Variants in ZNF626 observed in about 807,000 individuals in gnomAD.
ZNF626 encodes CTC-513N18.7.
Under a neutral mutation model 11.7 loss-of-function variants are expected in ZNF626, and 4 were observed. The ratio of observed to expected loss-of-function variants is 0.34; its 90% CI spans 0.17 to 0.78. ZNF626 has a LOEUF of 0.78. Among genes scored for constraint, ZNF626 ranks in the 30% least tolerant of loss-of-function variants. The pLI is 0.57. For synonymous variants in ZNF626, 179 were observed against 198.6 expected (o/e 0.90, Z 0.83); for missense variants, 588 against 587.1 (o/e 1.00, Z -0.01).
In ZNF626 at chr19:20,659,105, C is replaced by T. The variant is rs559982111; in HGVS notation, c.3+2339G>A. On this transcript the variant is annotated intron_variant, in intron 1 of 3. Coordinates refer to ENST00000601440, the MANE Select transcript of ZNF626 (RefSeq NM_001076675.3). The stretch of plus-strand genomic sequence containing the variant: ...TTTTGTGTGCTCCAGGAACAGTATA[C>T]GGAAAGAAACGCCTTTCTCATTATG... Among the ~76,000 whole-genome samples the T allele has an allele frequency of 1.1e-3, 163 of 152,262 alleles. 1 individual carries two copies. Among genetic ancestry groups the T allele is most frequent in the African/African-American group, 3.7e-3 (155 of 41,534 alleles).
chr19:20,655,168 A>G (rs1212489707), intron 1 of ZNF626, among the ~76,000 whole-genome samples: 1 of 152,224 alleles, frequency 6.6e-6, no homozygotes, highest in Non-Finnish European at 1.5e-5. Flanking sequence ...ATCTACAAAG[A>G]TAACTGCTAA....
intron 3 of ZNF626, among the ~76,000 whole-genome samples, chr19:20,633,996 C>G (rs887534844): frequency 1.3e-4 from 20 of 152,136 alleles, no homozygotes; most frequent in Admixed American, 4.6e-4. Context: ...GTTACACAAG[C>G]TACAAGTTAA....
chr19:20,625,777 T>G, intron 3 of ZNF626, 127 bp from the exon 4 acceptor site: 2 of 983,712 alleles, frequency 2.0e-6, no homozygotes, highest in Non-Finnish European at 1.4e-6. Flanking sequence ...TACCACAAGC[T>G]GTAATTTCTT....
intron 3 of ZNF626, among the ~76,000 whole-genome samples, chr19:20,642,821 T>G (rs1555771608): frequency 6.6e-6 from 1 of 151,886 alleles, no homozygotes; most frequent in South Asian, 2.1e-4. Context: ...TCAACCAGTC[T>G]GTCAACATGA....
rs375050964 is a variant in ZNF626, at chr19:20,661,466, C to T, written c.-20G>A. ...CACCATTTTTGGCTTCCAGGAGGTC[C>T]CGGTGTCTTAGCTGTGGATCTCCCA... On this transcript the variant is annotated 5_prime_UTR_variant, in exon 1 of 4. Transcript: ENST00000601440. 2 of 1,613,546 alleles carry T rather than the reference C, an allele frequency of 1.2e-6. No homozygotes were observed. Among genetic ancestry groups the T allele is most frequent in the Non-Finnish European group, 1.7e-6 (2 of 1,179,726 alleles).
intron 1 of ZNF626, among the ~76,000 whole-genome samples, chr19:20,660,366 G>A (rs1970252338): frequency 6.6e-6 from 1 of 151,720 alleles, no homozygotes; most frequent in South Asian, 2.1e-4. Context: ...GAAACTAAGT[G>A]TTAGAAACTC....
chr19:20,634,545 T>C (rs12609441), intron 3 of ZNF626, among the ~76,000 whole-genome samples: 29,458 of 150,762 alleles, frequency 0.2, 3,447 homozygotes, highest in East Asian at 0.47. Flanking sequence ...CAACACAGTA[T>C]TAAGCATGCA....
intron 3 of ZNF626, 161 bp downstream of exon 3, chr19:20,645,523 A>G (rs1970066692): frequency 7.0e-6 from 11 of 1,565,728 alleles, no homozygotes; most frequent in African/African-American, 1.4e-5. Context: ...CAAAATTAAA[A>G]AAGAAAAAAC....
At position 20,621,885 on chromosome 19, in the gene ZNF626, T is replaced by C. The variant is rs4483974; in HGVS notation, c.*2405A>G. 0.79 allele frequency: 120,862 copies of C among 152,138 alleles called. 48,938 individuals are homozygous for C. The highest frequency in any genetic ancestry group is 0.87 in the Admixed American group (13,313 of 15,274). The allele number at this position is 152,138 out of a possible 1,614,324, so 9.4% of individuals were successfully genotyped here. A position where few individuals can be genotyped will look rare whatever the true frequency, so the allele number is the denominator to read the frequency against. On this transcript the variant is annotated 3_prime_UTR_variant, in exon 4 of 4. Coordinates refer to ENST00000601440, the MANE Select transcript of ZNF626 (RefSeq NM_001076675.3). The stretch of plus-strand genomic sequence containing the variant: ...TAAATGCACAATAGTTTTAAGATGG[T>C]AAAAAATAAAATAAAATTAGGCTGG...
chr19:20,650,243 T>G, intron 1 of ZNF626, among the ~76,000 whole-genome samples: 1 of 131,392 alleles, frequency 7.6e-6, no homozygotes, highest in Non-Finnish European at 1.7e-5. Flanking sequence ...CCATCAAATT[T>G]GTTAAAAAAA....
chr19:20,659,647 TA>T (rs1429954671), intron 1 of ZNF626, among the ~76,000 whole-genome samples: 1 of 152,130 alleles, frequency 6.6e-6, no homozygotes, highest in African/African-American at 2.4e-5. Flanking sequence ...CTTTTCTGCC[TA>T]CATTTTTGCA....
intron 2 of ZNF626, 49 bp downstream of exon 2, chr19:20,646,226 AAAAT>A (rs1292337041): frequency 4.7e-6 from 7 of 1,492,312 alleles, no homozygotes; most frequent in South Asian, 2.8e-5. Context: ...CATTCTACAA[AAAAT>A]AAATAAATAA....
intron 3 of ZNF626, among the ~76,000 whole-genome samples, chr19:20,633,987 T>C (rs1196853282): frequency 6.6e-6 from 1 of 152,188 alleles, no homozygotes; most frequent in African/African-American, 2.4e-5. Context: ...CAAAATAATG[T>C]TACACAAGCT....
At chr19:20,636,483 A>C (rs1555770900) in intron 3 of ZNF626, among the ~76,000 whole-genome samples, 1 of 152,024 alleles carries the variant, frequency 6.6e-6, no homozygotes. Flanking sequence ...ATGGGATGTA[A>C]AACAAGTAGA....
intron 1 of ZNF626, among the ~76,000 whole-genome samples, chr19:20,651,676 G>T (rs782671665): frequency 2.0e-5 from 3 of 152,176 alleles, no homozygotes; most frequent in Non-Finnish European, 4.4e-5. Flanking sequence ...CTAGATGATT[G>T]TGAGAGAATT....
chr19:20,642,142 T>C (rs73537344), intron 3 of ZNF626, among the ~76,000 whole-genome samples: 5,254 of 152,292 alleles, frequency 0.034, 300 homozygotes, highest in African/African-American at 0.12. Context: ...TGGGGTCATA[T>C]TTATAGATAA....
At chr19:20,653,064 A>C (rs1473669328) in intron 1 of ZNF626, among the ~76,000 whole-genome samples, 1 of 152,132 alleles carries the variant, frequency 6.6e-6, no homozygotes, top group Admixed American at 6.6e-5. Flanking sequence ...TATAGATAAG[A>C]AATAGGCAGA....
At chr19:20,647,575 C>T (rs2144786038) in intron 1 of ZNF626, among the ~76,000 whole-genome samples, 2 of 151,360 alleles carry the variant, frequency 1.3e-5, no homozygotes, top group South Asian at 2.1e-4. Flanking sequence ...CAAGCTCCAC[C>T]TCCCAGGTTC....
At position 20,623,481 on chromosome 19, in the gene ZNF626, G is replaced by A. The variant is rs1282416737; in HGVS notation, c.*809C>T. Reference sequence around the variant, plus strand: ...GGTTTGTAGAGTTCCTCTTCAGAATGAATTATCACCATGTCTCTTAATAGT... The same window carrying A: ...GGTTTGTAGAGTTCCTCTTCAGAATAAATTATCACCATGTCTCTTAATAGT... On this transcript the variant is annotated 3_prime_UTR_variant, in exon 4 of 4. Coordinates refer to ENST00000601440, the MANE Select transcript of ZNF626 (RefSeq NM_001076675.3). 3 of 153,058 alleles carry A rather than the reference G, an allele frequency of 2.0e-5. No individual in the cohort carries two copies. Among genetic ancestry groups the A allele is most frequent in the African/African-American group, 7.2e-5 (3 of 41,446 alleles). The allele number at this position is 153,058 out of a possible 1,614,324, so 9.5% of individuals were successfully genotyped here. A position where few individuals can be genotyped will look rare whatever the true frequency, so the allele number is the denominator to read the frequency against.
Sources: gnomAD v4.1 joint callset for allele counts (sites outside exome capture counted in the v4.1 genomes callset) on GRCh38, gnomAD v4.1.1 for gene constraint, MANE v1.5 for transcripts, NCBI Gene and HGNC (gene_info 2026-07-23, HGNC 2026-07-21) for gene names.